Variants in OSBPL10 observed in about 807,000 individuals in gnomAD.
OSBPL10 encodes the protein oxysterol-binding protein-related protein 10.
A neutral mutation model predicts 81.7 loss-of-function variants in OSBPL10; 49 were observed. The observed-to-expected ratio is 0.60, with a 90% confidence interval of 0.48 to 0.76. The LOEUF (loss-of-function observed/expected upper bound fraction) is 0.76. Among genes scored for constraint, OSBPL10 ranks in the 30% least tolerant of loss-of-function variants. The probability of loss-of-function intolerance (pLI) is 0.00; values close to 1 mark genes in which losing one functional copy is unlikely to be tolerated. For missense variants in OSBPL10, 923 were observed against 987.8 expected (o/e 0.93, Z 0.88); for synonymous variants, 419 against 383.6 (o/e 1.09, Z -1.08).
At chr3:32,048,310 A>ATTT (rs71068027) in intron 1 of OSBPL10, among the ~76,000 whole-genome samples, 24 of 134,598 alleles carry the variant, frequency 1.8e-4, no homozygotes, top group African/African-American at 4.4e-4. Context: ...CACTACTACT[A>ATTT]TTTTTTTTTT....
chr3:31,894,729 T>C (rs1696003288), intron 1 of OSBPL10, among the ~76,000 whole-genome samples: 1 of 152,194 alleles, frequency 6.6e-6, no homozygotes. Flanking sequence ...CTGCCACTGA[T>C]TGATTAGCGG....
rs370416552 is a variant in OSBPL10 at position 31,997,156 on chromosome 3, CA to C, written n.298+49334del. On this transcript the variant is annotated intron_variant and non_coding_transcript_variant, in intron 2 of 3. Transcript: ENST00000479173. Reference sequence around the variant, plus strand: ...TTTCTGACTTAAAGCTTTTAAAAAGCATGCCCGATTTATGTGCACAGCAGAG... The same window carrying C: ...TTTCTGACTTAAAGCTTTTAAAAAGCTGCCCGATTTATGTGCACAGCAGAG... 4.3e-3 allele frequency among the ~76,000 whole-genome samples: 656 copies of C among 152,268 alleles called. 4 individuals are homozygous for C. Among genetic ancestry groups the C allele is most frequent in the African/African-American group, 0.015 (617 of 41,558 alleles).
At chr3:31,885,440 C>T (rs1028151524) in intron 1 of OSBPL10, among the ~76,000 whole-genome samples, 15 of 152,300 alleles carry the variant, frequency 9.8e-5, no homozygotes, top group African/African-American at 3.1e-4. Flanking sequence ...CTCGTTCACA[C>T]CCACACACTG....
chr3:31,819,563 T>A (rs187912327), intron 4 of OSBPL10, among the ~76,000 whole-genome samples: 2 of 152,192 alleles, frequency 1.3e-5, no homozygotes, highest in Admixed American at 1.3e-4. Flanking sequence ...GAGTGAGGCA[T>A]ACAGAGATCA....
At chr3:31,780,452 A>G (rs1698662670) in intron 4 of OSBPL10, among the ~76,000 whole-genome samples, 1 of 152,126 alleles carries the variant, frequency 6.6e-6, no homozygotes, top group South Asian at 2.1e-4. Flanking sequence ...AACCCAGCAG[A>G]AGAAATAAAA....
At chr3:31,714,231 C>T (rs976915235) in intron 6 of OSBPL10, among the ~76,000 whole-genome samples, 1 of 152,184 alleles carries the variant, frequency 6.6e-6, no homozygotes, top group African/African-American at 2.4e-5. Context: ...ACTCGGTATA[C>T]ACGTAAGGCT....
At chr3:31,968,354 AAAAC>A (rs1235032070) in intron 1 of OSBPL10, among the ~76,000 whole-genome samples, 1 of 152,202 alleles carries the variant, frequency 6.6e-6, no homozygotes, top group Non-Finnish European at 1.5e-5. Flanking sequence ...AAAAGGAAAC[AAAAC>A]AAAAATATCA....
rs61492992 is a variant in OSBPL10, at chr3:31,720,881, C to CAAAAAAAAAA, written c.1095+12366_1095+12375dup. 3.5e-4 allele frequency among the ~76,000 whole-genome samples: 23 copies of CAAAAAAAAAA among 66,306 alleles called. 1 individual carries two copies. The highest frequency in any genetic ancestry group is 1.1e-3 in the African/African-American group (17 of 16,190). The allele number at this position is 66,306 out of a possible 152,430, so 43.5% of individuals were successfully genotyped here. On this transcript the variant is annotated intron_variant, in intron 6 of 11. Coordinates refer to ENST00000396556, the MANE Select transcript of OSBPL10 (RefSeq NM_017784.5). ...TGGGCAACAGAGCGAGACTCTGTCT[C>CAAAAAAAAAA]AAAAAAAAAAAAAAAAAAAAAAAGG...
chr3:31,791,554 T>C (rs901937296), intron 4 of OSBPL10, among the ~76,000 whole-genome samples: 1 of 152,212 alleles, frequency 6.6e-6, no homozygotes, highest in Non-Finnish European at 1.5e-5. Context: ...TATATTCTAA[T>C]ATGTGTTTAT....
intron 2 of OSBPL10, among the ~76,000 whole-genome samples, chr3:32,032,065 T>C (rs888672569): frequency 6.6e-6 from 1 of 152,054 alleles, no homozygotes; most frequent in East Asian, 1.9e-4. Context: ...GCAGGAGGAT[T>C]GCTGAAGCCC....
intron 4 of OSBPL10, among the ~76,000 whole-genome samples, chr3:31,760,113 A>G (rs1205953571): frequency 6.6e-6 from 1 of 152,194 alleles, no homozygotes; most frequent in African/African-American, 2.4e-5. Flanking sequence ...TTTACTATTC[A>G]TTAAGTGGAA....
intron 4 of OSBPL10, among the ~76,000 whole-genome samples, chr3:31,754,205 GA>G (rs1392884777): frequency 6.6e-6 from 1 of 152,094 alleles, no homozygotes; most frequent in Non-Finnish European, 1.5e-5. Context: ...AGCCCCTGGG[GA>G]CACTGCTCCT....
chr3:31,905,345 A>ATTTTTTATT (rs1696374171), intron 1 of OSBPL10, among the ~76,000 whole-genome samples: 1 of 94,860 alleles, frequency 1.1e-5, no homozygotes, highest in East Asian at 3.8e-4. Context: ...GAACCTGGTG[A>ATTTTTTATT]TTTTTTTTTT....
At chr3:31,893,902 G>A (rs1461840045) in intron 1 of OSBPL10, among the ~76,000 whole-genome samples, 1 of 151,814 alleles carries the variant, frequency 6.6e-6, no homozygotes, top group Non-Finnish European at 1.5e-5. Flanking sequence ...TTAAAAAAAT[G>A]TTGGTGTTAG....
At chr3:31,858,346 C>A (rs1033094288) in intron 3 of OSBPL10, among the ~76,000 whole-genome samples, 2 of 152,102 alleles carry the variant, frequency 1.3e-5, no homozygotes, top group African/African-American at 4.8e-5. Flanking sequence ...AATTAAATTT[C>A]TCTTTTATTG....
chr3:31,959,154 C>T (rs1698087735), intron 1 of OSBPL10, among the ~76,000 whole-genome samples: 1 of 152,152 alleles, frequency 6.6e-6, no homozygotes, highest in Non-Finnish European at 1.5e-5. Context: ...TTAAAGAGTG[C>T]TCTGTCCTAA....
intron 6 of OSBPL10, among the ~76,000 whole-genome samples, chr3:31,715,378 A>G (rs1696400086): frequency 6.6e-6 from 1 of 152,078 alleles, no homozygotes; most frequent in Non-Finnish European, 1.5e-5. Flanking sequence ...CCTTCCACCA[A>G]TTGTTATCTA....
chr3:31,886,966 T>A (rs1354418727), intron 1 of OSBPL10, among the ~76,000 whole-genome samples: 1 of 150,494 alleles, frequency 6.6e-6, no homozygotes, highest in Non-Finnish European at 1.5e-5. Context: ...CCCTTCTCCA[T>A]GTGGGATAGT....
At chr3:31,989,453 A>G (rs777946115) in intron 2 of OSBPL10, 1 of 1,614,242 alleles carries the variant, frequency 6.2e-7, no homozygotes, top group Non-Finnish European at 8.5e-7. Flanking sequence ...AATAGCCATG[A>G]AGCAACTATG....
Sources: gnomAD v4.1 joint callset for allele counts (sites outside exome capture counted in the v4.1 genomes callset) on GRCh38, gnomAD v4.1.1 for gene constraint, MANE v1.5 for transcripts, NCBI Gene and HGNC (gene_info 2026-07-23, HGNC 2026-07-21) for gene names.